MTFR1: variants seen among roughly 807,000 people sequenced by gnomAD.
MTFR1 encodes the protein mitochondrial fission regulator 1, also known as chondrocyte protein with a poly-proline region.
In MTFR1, 28 loss-of-function variants were observed where a neutral mutation model predicts 38.8. The observed-to-expected ratio is 0.72, with a 90% CI of 0.53 to 0.99. The LOEUF (loss-of-function observed/expected upper bound fraction) is 0.99. Among genes scored for constraint, MTFR1 ranks in the 50% least tolerant of loss-of-function variants. MTFR1 has a pLI of 0.00. For missense variants in MTFR1, 358 were observed against 395.5 expected, an observed-to-expected ratio of 0.91 and a Z score of 0.81; for synonymous variants, 145 against 137.0, an observed-to-expected ratio of 1.06 and a Z score of -0.41.
intron 1 of MTFR1, among the ~76,000 whole-genome samples, chr8:65,658,848 A>T (rs1194582705): frequency 6.6e-6 from 1 of 152,198 alleles, no homozygotes; most frequent in Non-Finnish European, 1.5e-5. Flanking sequence ...TTTGCTTTTG[A>T]GCAAGAGCTT....
At chr8:65,655,969 C>CATATATATATATATATATGTA in intron 1 of MTFR1, among the ~76,000 whole-genome samples, 1 of 56,478 alleles carries the variant, frequency 1.8e-5, no homozygotes, top group African/African-American at 1.0e-4. Flanking sequence ...TATATATATA[C>CATATATATATATATATATGTA]CATATATATA....
intron 3 of MTFR1, among the ~76,000 whole-genome samples, chr8:65,758,630 G>A (rs1455442452): frequency 1.3e-5 from 2 of 152,170 alleles, no homozygotes; most frequent in Non-Finnish European, 2.9e-5. Context: ...TATGGACAGT[G>A]TTTCAATTGC....
chr8:65,747,826 T>A, intron 3 of MTFR1: 1 of 1,561,522 alleles, frequency 6.4e-7, no homozygotes, highest in South Asian at 1.2e-5. Flanking sequence ...GAATAAAAGG[T>A]AAGTATAGCA....
chr8:65,771,353 TAA>T (rs1292059641), downstream of MTFR1: 2 of 152,274 alleles, frequency 1.3e-5, no homozygotes, highest in East Asian at 1.9e-4. Flanking sequence ...ACTCCAGAAA[TAA>T]GTTAAAAATA....
intron 3 of MTFR1, among the ~76,000 whole-genome samples, chr8:65,741,642 C>CT (rs1807441452): frequency 1.3e-5 from 2 of 152,170 alleles, no homozygotes; most frequent in Non-Finnish European, 1.5e-5. Context: ...TCCTGATATG[C>CT]TCTATTGGTA....
chr8:65,719,567 C>CATTA, intron 3 of MTFR1: 1 of 963,986 alleles, frequency 1.0e-6, no homozygotes, highest in Non-Finnish European at 1.6e-6. Flanking sequence ...ATCTATACAA[C>CATTA]ATTAACCTTC....
intron 1 of MTFR1, among the ~76,000 whole-genome samples, chr8:65,660,247 T>C (rs1421969835): frequency 2.1e-5 from 3 of 141,144 alleles, no homozygotes; most frequent in Non-Finnish European, 4.5e-5. Flanking sequence ...GCCAAGATCA[T>C]GCCATTGTAC....
chr8:65,740,522 T>A (rs1807370490), intron 3 of MTFR1, among the ~76,000 whole-genome samples: 2 of 152,096 alleles, frequency 1.3e-5, no homozygotes, highest in African/African-American at 4.8e-5. Context: ...TGCCTCAGCC[T>A]CCCGAGTAGC....
rs1805724238 is a variant in MTFR1, at chr8:65,704,692, A to G, written c.282-2A>G. Reference sequence around the variant, plus strand: ...ACAGCCCACCTTATGTCTTCCTTGCAGGACAGAGGTCAGATCAAGGCCACC... The same window carrying G: ...ACAGCCCACCTTATGTCTTCCTTGCGGGACAGAGGTCAGATCAAGGCCACC... On this transcript the variant is annotated splice_acceptor_variant, in intron 4 of 7. Coordinates refer to ENST00000262146, the MANE Select transcript of MTFR1 (RefSeq NM_014637.4). LOFTEE classifies it high-confidence loss of function. 2 of 1,613,560 alleles carry G rather than the reference A, an allele frequency of 1.2e-6. No individual in the cohort carries two copies. Among genetic ancestry groups the G allele is most frequent in the Non-Finnish European group, 1.7e-6 (2 of 1,179,554 alleles).
intron 1 of MTFR1, among the ~76,000 whole-genome samples, chr8:65,662,014 TCTCTCC>T (rs1563435611): frequency 2.9e-5 from 4 of 136,540 alleles, no homozygotes; most frequent in Non-Finnish European, 4.7e-5. Flanking sequence ...TCTCCCTCTC[TCTCTCC>T]CTCTCTCTCT....
At chr8:65,729,047 C>T (rs893566593) in intron 3 of MTFR1, among the ~76,000 whole-genome samples, 3 of 151,818 alleles carry the variant, frequency 2.0e-5, no homozygotes, top group Non-Finnish European at 4.4e-5. Context: ...AATATTATAA[C>T]AAAGACAAGG....
intron 1 of MTFR1, among the ~76,000 whole-genome samples, chr8:65,654,813 A>C (rs1233964133): frequency 6.6e-6 from 1 of 152,106 alleles, no homozygotes; most frequent in East Asian, 1.9e-4. Flanking sequence ...ACTGGCTCAA[A>C]TAGTTCTCCT....
intron 3 of MTFR1, among the ~76,000 whole-genome samples, chr8:65,757,946 T>C (rs1808314953): frequency 6.6e-6 from 1 of 152,214 alleles, no homozygotes; most frequent in Non-Finnish European, 1.5e-5. Flanking sequence ...TAATATTTGA[T>C]TTCCCTCAAT....
intron 3 of MTFR1, among the ~76,000 whole-genome samples, chr8:65,741,772 G>A (rs748180065): frequency 6.6e-6 from 1 of 152,138 alleles, no homozygotes; most frequent in Non-Finnish European, 1.5e-5. Flanking sequence ...TTCATTCTCT[G>A]TATATTTAGA....
chr8:65,653,304 C>A (rs1221632640), intron 1 of MTFR1, among the ~76,000 whole-genome samples: 1 of 151,900 alleles, frequency 6.6e-6, no homozygotes, highest in Non-Finnish European at 1.5e-5. Flanking sequence ...GATCACCAGG[C>A]AGTTCGAGAC....
intron 3 of MTFR1, chr8:65,723,649 A>C: frequency 7.0e-7 from 1 of 1,424,580 alleles, no homozygotes. Flanking sequence ...AGAAGTATTA[A>C]TATGAAGAAT....
intron 2 of MTFR1, among the ~76,000 whole-genome samples, chr8:65,680,864 A>G (rs1273387513): frequency 1.3e-5 from 2 of 149,466 alleles, no homozygotes; most frequent in Non-Finnish European, 3.0e-5. Context: ...ATCTTGGCTC[A>G]CTGCAACCTC....
At chr8:65,702,594 A>G (rs1805649179) in intron 4 of MTFR1, among the ~76,000 whole-genome samples, 1 of 152,110 alleles carries the variant, frequency 6.6e-6, no homozygotes, top group South Asian at 2.1e-4. Flanking sequence ...AGGAAACTAA[A>G]TTACCAGTTT....
chr8:65,655,587 G>A (rs898318733), intron 1 of MTFR1, among the ~76,000 whole-genome samples: 1 of 152,128 alleles, frequency 6.6e-6, no homozygotes, highest in Admixed American at 6.6e-5. Flanking sequence ...TTTGACTTAA[G>A]TATCAACTGG....
Sources: gnomAD v4.1 joint callset for allele counts (sites outside exome capture counted in the v4.1 genomes callset) on GRCh38, gnomAD v4.1.1 for gene constraint, MANE v1.5 for transcripts, NCBI Gene and HGNC (gene_info 2026-07-23, HGNC 2026-07-21) for gene names.